The following ABCA13 variants were observed in gnomAD, a reference collection of about 807,000 sequenced individuals.
ABCA13 encodes ATP binding cassette subfamily A member 13.
ABCA13 carries 476 observed loss-of-function variants against 478.7 expected under a neutral mutation model. That is an observed-to-expected ratio of 0.99 (90% CI 0.92 to 1.07). The LOEUF is 1.07. Ranked by LOEUF, ABCA13 falls within the 50% of genes least tolerant of loss-of-function variation. The pLI, the probability that ABCA13 is intolerant of heterozygous loss-of-function variation, is 0.00. For missense variants in ABCA13, 6,060 were observed against 5,910.6 expected, an observed-to-expected ratio of 1.03 and a Z score of -0.83; for synonymous variants, 2,252 against 2,158.9, an observed-to-expected ratio of 1.04 and a Z score of -1.20.
chr7:48,437,966 C>T (rs963814032), intron 42 of ABCA13, among the ~76,000 whole-genome samples: 3 of 152,000 alleles, frequency 2.0e-5, no homozygotes, highest in Admixed American at 6.6e-5. Flanking sequence ...TAATGTATTC[C>T]CCTATCTATA....
intron 7 of ABCA13, among the ~76,000 whole-genome samples, chr7:48,232,161 T>TTTTTTTTTTTTTTTTTG: frequency 7.3e-6 from 1 of 137,032 alleles, no homozygotes; most frequent in Non-Finnish European, 1.6e-5. Flanking sequence ...TTTTTTTTTT[T>TTTTTTTTTTTTTTTTTG]TTTAGCTTTC....
chr7:48,309,062 C>CACACAT (rs1281622553), intron 23 of ABCA13, among the ~76,000 whole-genome samples: 1 of 149,992 alleles, frequency 6.7e-6, no homozygotes, highest in East Asian at 1.9e-4. Flanking sequence ...CACACACACA[C>CACACAT]ACATTCTCTT....
At chr7:48,507,815 C>A in intron 49 of ABCA13, 57 bp from the exon 50 acceptor site, 1 of 1,498,308 alleles carries the variant, frequency 6.7e-7, no homozygotes, top group Non-Finnish European at 9.0e-7. Flanking sequence ...TTGTTATTAG[C>A]AAAGAAGGCT....
chr7:48,559,646 C>T (rs1053791065), intron 55 of ABCA13, among the ~76,000 whole-genome samples: 1 of 152,134 alleles, frequency 6.6e-6, no homozygotes, highest in Admixed American at 6.6e-5. Flanking sequence ...TGCTGGATCT[C>T]TCCTGAAGCC....
At chr7:48,510,058 C>A (rs557752581) in intron 50 of ABCA13, among the ~76,000 whole-genome samples, 168 of 152,336 alleles carry the variant, frequency 1.1e-3, no homozygotes, top group African/African-American at 3.8e-3. Flanking sequence ...TCATAGCCCC[C>A]CAAATGGTGT....
At chr7:48,422,259 G>A (rs968686447) in intron 41 of ABCA13, among the ~76,000 whole-genome samples, 1 of 151,250 alleles carries the variant, frequency 6.6e-6, no homozygotes, top group Non-Finnish European at 1.5e-5. Flanking sequence ...TTCTTCATTT[G>A]GGGGCTAAGG....
At position 48,367,888 on chromosome 7, in the gene ABCA13, C is replaced by T; in HGVS notation, c.10783C>T (p.Gln3595Ter). The T allele has an allele frequency of 6.4e-7, 1 of 1,574,766 alleles. No individual in the cohort carries two copies. The highest frequency in any genetic ancestry group is 8.6e-7 in the Non-Finnish European group (1 of 1,158,848). Residue 3595 changes from glutamine to a stop codon, truncating the protein, a stop_gained, in exon 32 of 62, where the codon CAG (glutamine) becomes TAG (stop). Coordinates refer to ENST00000435803, the MANE Select transcript of ABCA13 (RefSeq NM_152701.5). LOFTEE classifies it high-confidence loss of function. ...CATGGTCAGAAAGTTGGTGTATGAG[C>T]AGGAGATACAGATAGAAGAGGTAAA... ...ASMVRKLVYE[Q>*]EIQIEEYMRM...
chr7:48,454,916 G>A, intron 42 of ABCA13, 121 bp from the exon 43 acceptor site: 10 of 1,335,376 alleles, frequency 7.5e-6, no homozygotes, highest in Non-Finnish European at 9.9e-6. Flanking sequence ...TCATGGGGTG[G>A]GCCTGCGTCG....
intron 31 of ABCA13, among the ~76,000 whole-genome samples, chr7:48,355,307 G>GTGT (rs1214347288): frequency 6.6e-6 from 1 of 151,932 alleles, no homozygotes. Context: ...AAGGGGAAGT[G>GTGT]TGTTCTAGGG....
In ABCA13 at chr7:48,548,080, C is replaced by G. The variant is rs909753408; in HGVS notation, c.14354+19735C>G. Among the ~76,000 whole-genome samples, 3 of 151,878 alleles carry G rather than the reference C, an allele frequency of 2.0e-5. 1 individual carries two copies. Among genetic ancestry groups the G allele is most frequent in the Non-Finnish European group, 4.4e-5 (3 of 67,896 alleles). On this transcript the variant is annotated intron_variant, in intron 55 of 61. Coordinates refer to ENST00000435803, the MANE Select transcript of ABCA13 (RefSeq NM_152701.5). ...CAACAAGGTTGATGCATAGCTAGAA[C>G]TGATAATATGTTCTTTTTAGTGGAA...
intron 29 of ABCA13, among the ~76,000 whole-genome samples, chr7:48,348,880 T>C (rs576222781): frequency 6.6e-6 from 1 of 152,332 alleles, no homozygotes; most frequent in Non-Finnish European, 1.5e-5. Flanking sequence ...GAATTCCTGA[T>C]GTTTGAATAT....
At chr7:48,245,466 G>A in intron 11 of ABCA13, 46 bp from the exon 12 acceptor site, 2 of 1,487,560 alleles carry the variant, frequency 1.3e-6, no homozygotes, top group South Asian at 2.6e-5. Flanking sequence ...TAAAAGTCAA[G>A]CTTACTTACC....
At position 48,279,566 on chromosome 7, in the gene ABCA13, G is replaced by A. The variant is rs764185578; in HGVS notation, c.8372G>A (p.Gly2791Asp). 1 of 1,613,284 alleles carries A rather than the reference G, an allele frequency of 6.2e-7. No individual in the cohort carries two copies. Among genetic ancestry groups the A allele is most frequent in the Admixed American group, 1.7e-5 (1 of 59,980 alleles). The change falls in exon 18 of 62, where the codon GGT becomes GAT. Residue 2791 changes from glycine to aspartate, a missense_variant. This residue lies in a region of ABCA13 where 4,423 missense variants were observed against 4,309.1 expected (regional missense o/e 1.03). Transcript: ENST00000435803. ...AGTGGAATTAAAAGTGACTATGAAGGTGATTTGAATAAAAGTTTATATTTT... is the reference window on the plus strand; with the variant it reads ...AGTGGAATTAAAAGTGACTATGAAGATGATTTGAATAAAAGTTTATATTTT... ...ASSGIKSDYE[G>D]DLNKSLYFDT...
intron 15 of ABCA13, among the ~76,000 whole-genome samples, chr7:48,267,777 G>T (rs1434082868): frequency 1.3e-5 from 2 of 151,982 alleles, no homozygotes; most frequent in East Asian, 1.9e-4. Context: ...TGTCATTTTT[G>T]ATTGATTAAT....
intron 42 of ABCA13, 129 bp from the exon 43 acceptor site, chr7:48,454,908 A>T (rs1825477700): frequency 1.5e-6 from 2 of 1,296,414 alleles, no homozygotes; most frequent in Middle Eastern, 2.8e-4. Flanking sequence ...GGGAGTCCTC[A>T]TGGGGTGGGC....
At chr7:48,463,856 G>C (rs1187113992) in intron 43 of ABCA13, among the ~76,000 whole-genome samples, 1 of 151,682 alleles carries the variant, frequency 6.6e-6, no homozygotes. Flanking sequence ...AGGAGGAAGG[G>C]AGGAAGGGAG....
intron 45 of ABCA13, among the ~76,000 whole-genome samples, chr7:48,479,960 A>G (rs1464534896): frequency 1.3e-5 from 2 of 152,206 alleles, no homozygotes; most frequent in East Asian, 1.9e-4. Context: ...AATGAATGTG[A>G]AACTGGCCCA....
chr7:48,290,939 G>GAAA (rs754416012), intron 20 of ABCA13, among the ~76,000 whole-genome samples: 14 of 79,604 alleles, frequency 1.8e-4, no homozygotes, highest in African/African-American at 5.7e-4. Context: ...TCACACTCAG[G>GAAA]GAAAAAAAAA....
intron 56 of ABCA13, among the ~76,000 whole-genome samples, chr7:48,585,789 A>G (rs533203976): frequency 6.6e-6 from 1 of 152,316 alleles, no homozygotes; most frequent in South Asian, 2.1e-4. Context: ...ATATGATTAT[A>G]TCTAAAAAAT....
Sources: allele counts gnomAD v4.1 joint callset (sites outside exome capture counted in the v4.1 genomes callset), GRCh38; gene constraint gnomAD v4.1.1; regional missense constraint gnomAD v4.1.1; transcripts MANE v1.5; gene names NCBI Gene and HGNC (gene_info 2026-07-23, HGNC 2026-07-21).